MEF2C: variants seen among roughly 807,000 people sequenced by gnomAD.
MEF2C encodes the protein myocyte enhancer factor 2C.
A neutral mutation model predicts 50.5 loss-of-function variants in MEF2C; 6 were observed. That is an observed-to-expected ratio of 0.12 (90% CI 0.07 to 0.23). The LOEUF is 0.23. MEF2C is among the 10% of genes least tolerant of loss of function. The pLI is 1.00. For synonymous variants in MEF2C, 183 were observed against 228.0 expected (o/e 0.80, Z 1.78); for missense variants, 276 against 605.0 (o/e 0.46, Z 5.70).
In MEF2C at chr5:88,720,754, T is replaced by C. The variant is rs1253723024; in HGVS notation, c.*1850A>G. 1.3e-5 allele frequency: 2 copies of C among 152,224 alleles called. No individual in the cohort carries two copies. Among genetic ancestry groups the C allele is most frequent in the African/African-American group, 4.8e-5 (2 of 41,358 alleles). 9.4% of individuals were successfully genotyped at this position (152,224 alleles called of 1,614,324 possible). A position where few individuals can be genotyped will look rare whatever the true frequency, so the allele number is the denominator to read the frequency against. ...CTCACTTATTAAAGGGTCTGAAAAT[T>C]AATCCCTTATAGACGAATATTAGAC... On this transcript the variant is annotated 3_prime_UTR_variant, in exon 11 of 11. Transcript: ENST00000504921.
At chr5:88,780,983 C>T (rs989554236) in intron 3 of MEF2C, 1 of 974,782 alleles carries the variant, frequency 1.0e-6, no homozygotes, top group Non-Finnish European at 1.2e-6. Context: ...ACTAAGAGAA[C>T]TTGGGCAAGC....
chr5:88,746,475 G>A (rs1400477407), intron 6 of MEF2C: 1 of 966,500 alleles, frequency 1.0e-6, no homozygotes, highest in Non-Finnish European at 1.2e-6. Flanking sequence ...GAGATGACTT[G>A]ATTTAGAAAA....
At chr5:88,746,996 C>G (rs1414571546) in intron 6 of MEF2C, among the ~76,000 whole-genome samples, 1 of 152,162 alleles carries the variant, frequency 6.6e-6, no homozygotes, top group East Asian at 1.9e-4. Context: ...TGGTTTTCTT[C>G]TATTTCTGAA....
At chr5:88,777,440 A>AAGTTT (rs1785334884) in intron 3 of MEF2C, among the ~76,000 whole-genome samples, 1 of 152,162 alleles carries the variant, frequency 6.6e-6, no homozygotes, top group Non-Finnish European at 1.5e-5. Flanking sequence ...GTGGCCCAAG[A>AAGTTT]ACTTGCTGAA....
chr5:88,751,415 A>G (rs1772675286), intron 5 of MEF2C: 2 of 985,104 alleles, frequency 2.0e-6, no homozygotes, highest in South Asian at 9.4e-5. Context: ...TACTGTATAA[A>G]TAAAAAAAAA....
At chr5:88,743,061 C>T (rs1168807895) in intron 6 of MEF2C, 1 of 974,188 alleles carries the variant, frequency 1.0e-6, no homozygotes, top group African/African-American at 1.8e-5. Flanking sequence ...CAGAACAATT[C>T]AAACTAATGG....
chr5:88,851,199 C>T (rs778513730), intron 1 of MEF2C, among the ~76,000 whole-genome samples: 1 of 145,926 alleles, frequency 6.9e-6, no homozygotes, highest in Non-Finnish European at 1.5e-5. Flanking sequence ...CGCAACTGCA[C>T]TCCAGCCTGG....
intron 1 of MEF2C, chr5:88,892,368 AC>A (rs1168458272): frequency 1.3e-5 from 2 of 152,232 alleles, no homozygotes; most frequent in African/African-American, 4.8e-5. Flanking sequence ...TATCCTCAAA[AC>A]TTTGTTTAAG....
At chr5:88,880,832 G>A (rs1477417954) in intron 1 of MEF2C, 1 of 151,880 alleles carries the variant, frequency 6.6e-6, no homozygotes, top group Non-Finnish European at 1.5e-5. Flanking sequence ...TTTAAAATAT[G>A]AATAGCTCAG....
intron 5 of MEF2C, chr5:88,751,519 G>A: frequency 1.0e-6 from 1 of 985,396 alleles, no homozygotes. Context: ...AGGAGGAAGA[G>A]GGAAAATGGC....
chr5:88,733,256 G>C, intron 6 of MEF2C: 5 of 985,320 alleles, frequency 5.1e-6, no homozygotes, highest in Non-Finnish European at 6.0e-6. Context: ...TGAGGTAGGA[G>C]TTTAAAGAGC....
At chr5:88,862,298 T>A (rs143846639) in intron 1 of MEF2C, among the ~76,000 whole-genome samples, 1 of 152,344 alleles carries the variant, frequency 6.6e-6, no homozygotes, top group African/African-American at 2.4e-5. Context: ...TTTTCTGACT[T>A]CTGTCATACA....
intron 3 of MEF2C, among the ~76,000 whole-genome samples, chr5:88,774,336 C>CTT (rs34650524): frequency 2.3e-3 from 339 of 144,438 alleles, no homozygotes; most frequent in East Asian, 9.3e-3. Flanking sequence ...GTTTCTACCT[C>CTT]TTTTTTTTTT....
intron 3 of MEF2C, among the ~76,000 whole-genome samples, chr5:88,778,412 A>G (rs760904943): frequency 1.2e-4 from 19 of 152,264 alleles, no homozygotes; most frequent in Admixed American, 5.2e-4. Flanking sequence ...GCAGAAGCCA[A>G]CCACTTGCCT....
intron 1 of MEF2C, among the ~76,000 whole-genome samples, chr5:88,859,055 T>C (rs890559470): frequency 3.9e-5 from 6 of 152,246 alleles, no homozygotes; most frequent in African/African-American, 1.2e-4. Context: ...TTACTGGTTA[T>C]GGCAAACTTG....
At chr5:88,737,252 A>T in intron 6 of MEF2C, 1 of 985,338 alleles carries the variant, frequency 1.0e-6, no homozygotes. Flanking sequence ...CAAATTGATG[A>T]CCAAGTACAC....
intron 1 of MEF2C, chr5:88,824,419 T>C (rs1160491045): frequency 1.1e-6 from 1 of 879,490 alleles, no homozygotes; most frequent in Admixed American, 6.2e-5. Context: ...TGGACGATTA[T>C]GAAAGTGCTA....
At chr5:88,835,878 C>T (rs1814901969) in intron 1 of MEF2C, among the ~76,000 whole-genome samples, 1 of 150,726 alleles carries the variant, frequency 6.6e-6, no homozygotes, top group Non-Finnish European at 1.5e-5. Context: ...GGACAACAGG[C>T]TCCCACTTTA....
chr5:88,737,240 T>C (rs541115705), intron 6 of MEF2C: 1 of 985,288 alleles, frequency 1.0e-6, no homozygotes, highest in African/African-American at 1.7e-5. Flanking sequence ...AGATAATGAT[T>C]GCAAATTGAT....
Sources: gnomAD v4.1 joint callset for allele counts (sites outside exome capture counted in the v4.1 genomes callset) on GRCh38, gnomAD v4.1.1 for gene constraint, MANE v1.5 for transcripts, NCBI Gene and HGNC (gene_info 2026-07-23, HGNC 2026-07-21) for gene names.